Variants in RBMS3 observed in about 807,000 individuals in gnomAD.
RBMS3 encodes the protein RNA-binding motif, single-stranded-interacting protein 3.
Under a neutral mutation model 66.8 loss-of-function variants are expected in RBMS3, and 27 were observed. The observed-to-expected ratio is 0.40, with a 90% CI of 0.30 to 0.56. RBMS3 has a LOEUF of 0.56. Among genes scored for constraint, RBMS3 ranks in the 20% least tolerant of loss-of-function variants. The pLI is 0.40. For synonymous variants in RBMS3, 188 were observed against 183.0 expected (o/e 1.03, Z -0.22); for missense variants, 513 against 549.5 (o/e 0.93, Z 0.66).
At chr3:29,527,788 C>T (rs1463119524) in intron 3 of RBMS3, among the ~76,000 whole-genome samples, 1 of 127,118 alleles carries the variant, frequency 7.9e-6, no homozygotes, top group African/African-American at 2.9e-5. Flanking sequence ...TGCTATCCCT[C>T]CCCCCTCCCC....
At chr3:29,575,474 G>T (rs111647318) in intron 3 of RBMS3, among the ~76,000 whole-genome samples, 1 of 151,966 alleles carries the variant, frequency 6.6e-6, no homozygotes, top group African/African-American at 2.4e-5. Flanking sequence ...ATGCCTTGAG[G>T]TAGTCTTCTT....
At chr3:29,534,345 C>T (rs966617287) in intron 3 of RBMS3, among the ~76,000 whole-genome samples, 2 of 152,166 alleles carry the variant, frequency 1.3e-5, no homozygotes, top group Admixed American at 1.3e-4. Flanking sequence ...GTCATGCCTC[C>T]AAAATTGGTA....
rs77309158 is a variant in RBMS3, at chr3:29,988,289, C to T, written c.1179+66C>T. ...AATCTCAGTCACATATACTGTAGTCCCCCATAACCATAGGAATCCTCACTT... is the reference window on the plus strand; with the variant it reads ...AATCTCAGTCACATATACTGTAGTCTCCCATAACCATAGGAATCCTCACTT... On this transcript the variant is annotated intron_variant, in intron 13 of 14. Transcript: ENST00000383767. 8,722 of 1,339,332 alleles carry T rather than the reference C, an allele frequency of 6.5e-3. 63 individuals are homozygous for T. The highest frequency in any genetic ancestry group is 6.8e-3 in the Non-Finnish European group (6,456 of 949,460). The allele number at this position is 1,339,332 out of a possible 1,614,324, so 83.0% of individuals were successfully genotyped here.
intron 1 of RBMS3, among the ~76,000 whole-genome samples, chr3:29,408,251 G>GCT (rs2040112405): frequency 8.0e-6 from 1 of 125,138 alleles, no homozygotes; most frequent in Non-Finnish European, 1.6e-5. Flanking sequence ...CAGCCTGGAT[G>GCT]ACAGAGCGAG....
At chr3:29,362,261 T>C (rs926441604) in intron 1 of RBMS3, among the ~76,000 whole-genome samples, 1 of 152,194 alleles carries the variant, frequency 6.6e-6, no homozygotes, top group African/African-American at 2.4e-5. Flanking sequence ...AGTTTTCCTT[T>C]TAACAGTCAG....
intron 3 of RBMS3, among the ~76,000 whole-genome samples, chr3:29,563,676 T>A (rs905789469): frequency 2.0e-5 from 3 of 152,152 alleles, no homozygotes; most frequent in African/African-American, 7.2e-5. Flanking sequence ...AATAACTTTT[T>A]AAAAAAACTT....
Position 30,004,078 on chromosome 3 carries a change from C to A in RBMS3, c.*216C>A. The A allele has an allele frequency of 1.9e-5, 7 of 359,588 alleles. No homozygotes were observed. The highest frequency in any genetic ancestry group is 4.7e-5 in the Admixed American group (1 of 21,256). The allele number at this position is 359,588 out of a possible 1,614,324, so 22.3% of individuals were successfully genotyped here. ...TGGTCTGACAATTTATTTTTGCCAT[C>A]ATTTTTTTAATTAAAGAAAAAATTT... On this transcript the variant is annotated 3_prime_UTR_variant, in exon 15 of 15. Coordinates refer to ENST00000383767, the MANE Select transcript of RBMS3 (RefSeq NM_001003793.3).
Position 30,006,698 on chromosome 3 carries a change from A to G in RBMS3, c.*2836A>G, listed in dbSNP as rs1472878877. On this transcript the variant is annotated 3_prime_UTR_variant, in exon 15 of 15. Coordinates refer to ENST00000383767, the MANE Select transcript of RBMS3 (RefSeq NM_001003793.3). The stretch of plus-strand genomic sequence containing the variant: ...TATCCTGGGCATAATTCATTTGAAT[A>G]TGAAACCAACATACTTTCTTTCATT... 6.6e-6 allele frequency: 1 copy of G among 152,012 alleles called. No homozygotes were observed. The highest frequency in any genetic ancestry group is 1.5e-5 in the Non-Finnish European group (1 of 67,896). The allele number at this position is 152,012 out of a possible 1,614,324, so 9.4% of individuals were successfully genotyped here. A position where few individuals can be genotyped will look rare whatever the true frequency, so the allele number is the denominator to read the frequency against.
chr3:29,641,341 T>C (rs1055615061), intron 4 of RBMS3, among the ~76,000 whole-genome samples: 7 of 152,050 alleles, frequency 4.6e-5, no homozygotes, highest in African/African-American at 1.7e-4. Flanking sequence ...ATAATGGTTG[T>C]TTCCAAACCA....
At chr3:29,658,187 G>T (rs2149223729) in intron 4 of RBMS3, among the ~76,000 whole-genome samples, 1 of 152,336 alleles carries the variant, frequency 6.6e-6, no homozygotes, top group Admixed American at 6.5e-5. Flanking sequence ...AATGATGTTT[G>T]TGAAGATCTT....
chr3:29,673,139 G>C (rs2051079238), intron 4 of RBMS3, among the ~76,000 whole-genome samples: 1 of 152,180 alleles, frequency 6.6e-6, no homozygotes, highest in East Asian at 1.9e-4. Flanking sequence ...ACCTGTTCCT[G>C]AATGACTACT....
intron 3 of RBMS3, among the ~76,000 whole-genome samples, chr3:29,578,830 T>TG (rs2047221223): frequency 7.6e-6 from 1 of 130,864 alleles, no homozygotes; most frequent in South Asian, 2.8e-4. Flanking sequence ...AGTCTCGCTC[T>TG]GTCGCCCAGG....
At chr3:29,366,970 T>A (rs895312582) in intron 1 of RBMS3, among the ~76,000 whole-genome samples, 6 of 152,132 alleles carry the variant, frequency 3.9e-5, no homozygotes, top group Non-Finnish European at 7.3e-5. Flanking sequence ...AACCTAGATG[T>A]CTAATAATGG....
intron 10 of RBMS3, among the ~76,000 whole-genome samples, chr3:29,920,931 GTACATT>G (rs2060759222): frequency 6.6e-6 from 1 of 151,562 alleles, no homozygotes; most frequent in Non-Finnish European, 1.5e-5. Context: ...TTTGAATTGT[GTACATT>G]TGGGGGTGCC....
chr3:29,586,407 T>C (rs2047522010), intron 3 of RBMS3, among the ~76,000 whole-genome samples: 1 of 152,104 alleles, frequency 6.6e-6, no homozygotes. Flanking sequence ...TTTCAGACTG[T>C]ACACTAGAAA....
chr3:29,474,185 A>G (rs2042866264), intron 2 of RBMS3, among the ~76,000 whole-genome samples: 1 of 152,262 alleles, frequency 6.6e-6, no homozygotes, highest in African/African-American at 2.4e-5. Flanking sequence ...ATTGTAGACC[A>G]TACACTTTTG....
chr3:29,621,647 G>C (rs1295978955), intron 4 of RBMS3, among the ~76,000 whole-genome samples: 1 of 152,212 alleles, frequency 6.6e-6, no homozygotes, highest in East Asian at 1.9e-4. Context: ...ATAATACCAA[G>C]TTCTAGAATG....
rs146188726 is a variant in RBMS3 at position 29,810,694 on chromosome 3, T to C, written c.637+47705T>C. On this transcript the variant is annotated intron_variant, in intron 6 of 14. Coordinates refer to ENST00000383767, the MANE Select transcript of RBMS3 (RefSeq NM_001003793.3). ...ACATGTATACATATATGTGTATGTG[T>C]GTTTCCATACATTTTTATTCTAAGA... is the stretch of plus-strand genomic sequence containing the variant. 2.2e-3 allele frequency among the ~76,000 whole-genome samples: 333 copies of C among 152,336 alleles called. 3 individuals carry two copies. The highest frequency in any genetic ancestry group is 7.7e-3 in the African/African-American group (320 of 41,572).
rs556908876 is a variant in RBMS3, at chr3:29,849,724, T to C, written c.638-19134T>C. On this transcript the variant is annotated intron_variant, in intron 6 of 14. Transcript: ENST00000383767. Reference sequence around the variant, plus strand: ...AACAAACATCAGTGAAGAACTTGATTTGCAGAAATATTTTAACAGCAAGAA... The same window carrying C: ...AACAAACATCAGTGAAGAACTTGATCTGCAGAAATATTTTAACAGCAAGAA... Among the ~76,000 whole-genome samples, 7 of 152,266 alleles carry C rather than the reference T, an allele frequency of 4.6e-5. No homozygotes were observed. In the South Asian group the frequency reaches 1.5e-3, roughly 32 times the overall value.
Sources: allele counts gnomAD v4.1 joint callset (sites outside exome capture counted in the v4.1 genomes callset), GRCh38; gene constraint gnomAD v4.1.1; transcripts MANE v1.5; gene names NCBI Gene and HGNC (gene_info 2026-07-23, HGNC 2026-07-21).